ARHGAP31: variants seen among roughly 807,000 people sequenced by gnomAD.
ARHGAP31 encodes rho GTPase-activating protein 31.
ARHGAP31 carries 34 observed loss-of-function variants against 113.9 expected under a neutral mutation model. The ratio of observed to expected loss-of-function variants is 0.30; its 90% CI spans 0.23 to 0.40. The LOEUF (loss-of-function observed/expected upper bound fraction) is 0.40, where lower values mean the gene tolerates loss of function less well. Among genes scored for constraint, ARHGAP31 ranks in the 10% least tolerant of loss-of-function variants. The pLI is 1.00. For missense variants in ARHGAP31, 1,548 were observed against 1,767.1 expected (o/e 0.88, Z 2.22); for synonymous variants, 650 against 684.8 (o/e 0.95, Z 0.79).
chr3:119,418,672 G>C lies in ARHGAP31; in HGVS notation c.*2408G>C, dbSNP rs2080799197. 6.6e-6 allele frequency: 1 copy of C among 152,228 alleles called. No individual in the cohort carries two copies. Among genetic ancestry groups the C allele is most frequent in the East Asian group, 1.9e-4 (1 of 5,202 alleles). 9.4% of individuals were successfully genotyped at this position (152,228 alleles called of 1,614,324 possible). On this transcript the variant is annotated 3_prime_UTR_variant, in exon 12 of 12. Transcript: ENST00000264245. ...TTCAGTTCTAAGGGTTGAGATGCCT[G>C]TGTGGATTTATAAAATGGTTGCAAG...
chr3:119,416,300 G>T lies in ARHGAP31; in HGVS notation c.*36G>T. 1 of 1,609,118 alleles carries T rather than the reference G, an allele frequency of 6.2e-7. No homozygotes were observed. Among genetic ancestry groups the T allele is most frequent in the South Asian group, 1.1e-5 (1 of 90,862 alleles). On this transcript the variant is annotated 3_prime_UTR_variant, in exon 12 of 12. Transcript: ENST00000264245. ...CCTGCTGGTGTCTGAAAAAAACCGT[G>T]ATTCATCTGGAAGTTATTACAGGGC...
At chr3:119,397,621 C>T (rs6766961) in intron 8 of ARHGAP31, among the ~76,000 whole-genome samples, 2,855 of 152,302 alleles carry the variant, frequency 0.019, 76 homozygotes, top group African/African-American at 0.064. Flanking sequence ...GGTGGCTGGG[C>T]GTCCCACAGT....
At chr3:119,337,769 C>T (rs555460794) in intron 1 of ARHGAP31, among the ~76,000 whole-genome samples, 1 of 152,186 alleles carries the variant, frequency 6.6e-6, no homozygotes, top group African/African-American at 2.4e-5. Context: ...CTCCAAGTGC[C>T]CTACCGGATT....
chr3:119,372,586 T>C (rs2080307751), intron 3 of ARHGAP31, among the ~76,000 whole-genome samples: 1 of 152,064 alleles, frequency 6.6e-6, no homozygotes, highest in Admixed American at 6.6e-5. Flanking sequence ...CCCGGCCTAT[T>C]TTTGACTTTT....
intron 3 of ARHGAP31, among the ~76,000 whole-genome samples, chr3:119,376,645 A>G (rs972809185): frequency 9.3e-5 from 14 of 150,558 alleles, no homozygotes; most frequent in Non-Finnish European, 1.9e-4. Context: ...CCTCCTAGAA[A>G]CCTCTGATTA....
rs552611924 is a variant in ARHGAP31 at position 119,330,087 on chromosome 3, A to T, written c.100+35083A>T. The stretch of plus-strand genomic sequence containing the variant: ...TTCAATCGTCTGATTGTTTGAACTG[A>T]TCTAATCACCCCAATTAGTGTTGTG... On this transcript the variant is annotated intron_variant, in intron 1 of 11. Coordinates refer to ENST00000264245, the MANE Select transcript of ARHGAP31 (RefSeq NM_020754.4). The T allele has an allele frequency of 6.9e-6, 6 of 867,784 alleles. No homozygotes were observed. The East Asian group carries it at 6.1e-4, about 88-fold the overall frequency. 53.8% of individuals were successfully genotyped at this position (867,784 alleles called of 1,614,324 possible).
chr3:119,361,491 C>G (rs1010421445), intron 1 of ARHGAP31, among the ~76,000 whole-genome samples: 5 of 151,696 alleles, frequency 3.3e-5, no homozygotes, highest in African/African-American at 1.2e-4. Context: ...AAGTGATTCT[C>G]CTGCCTCAGG....
intron 1 of ARHGAP31, among the ~76,000 whole-genome samples, chr3:119,340,530 T>A (rs1457994423): frequency 6.6e-6 from 1 of 152,212 alleles, no homozygotes; most frequent in Non-Finnish European, 1.5e-5. Context: ...TTTGACCTTA[T>A]GTGGGGCAGA....
chr3:119,351,788 CG>C (rs2080113152), intron 1 of ARHGAP31, among the ~76,000 whole-genome samples: 1 of 152,200 alleles, frequency 6.6e-6, no homozygotes, highest in African/African-American at 2.4e-5. Flanking sequence ...CAGGCACATG[CG>C]GCCGTTCTCT....
intron 3 of ARHGAP31, 42 bp from the exon 4 acceptor site, chr3:119,380,862 C>T (rs778255527): frequency 8.3e-6 from 13 of 1,565,718 alleles, no homozygotes; most frequent in Non-Finnish European, 1.1e-5. Context: ...GCTGTCCCTG[C>T]TCTCAAGCAC....
intron 1 of ARHGAP31, among the ~76,000 whole-genome samples, chr3:119,354,671 C>T (rs890882188): frequency 1.0e-4 from 15 of 146,930 alleles, no homozygotes; most frequent in South Asian, 8.7e-4. Flanking sequence ...GCCACCATGC[C>T]GGGCTAATTT....
chr3:119,401,795 G>A, intron 9 of ARHGAP31, 27 bp from the exon 10 acceptor site: 1 of 1,610,430 alleles, frequency 6.2e-7, no homozygotes, highest in Non-Finnish European at 8.5e-7. Context: ...CCCGGCTGCT[G>A]ACCATACACT....
chr3:119,388,308 TTATA>T (rs58420826), intron 6 of ARHGAP31, among the ~76,000 whole-genome samples: 1 of 133,734 alleles, frequency 7.5e-6, no homozygotes, highest in Non-Finnish European at 1.6e-5. Context: ...TGTATAATTT[TTATA>T]TATATATATA....
chr3:119,400,502 C>G (rs1344126501), intron 9 of ARHGAP31, among the ~76,000 whole-genome samples: 2 of 152,126 alleles, frequency 1.3e-5, no homozygotes, highest in Non-Finnish European at 2.9e-5. Flanking sequence ...TCAGTGAGAT[C>G]TTCTTAAGTT....
Position 119,399,245 on chromosome 3 carries a change from T to C in ARHGAP31, c.1053T>C (p.Cys351=), listed in dbSNP as rs2080578694. ...CAGCTAAAAGCATGGACTCACTATGTTCAGTGCCTGTGGAAGGTAAGATTT... is the reference window on the plus strand; with the variant it reads ...CAGCTAAAAGCATGGACTCACTATGCTCAGTGCCTGTGGAAGGTAAGATTT... ...IRPAKSMDSL[C]SVPVEGKETK... Residue 351 remains cysteine (C), a synonymous_variant, in exon 9 of 12, where the codon TGT becomes TGC. Transcript: ENST00000264245. 1 of 1,613,514 alleles carries C rather than the reference T, an allele frequency of 6.2e-7. No individual in the cohort carries two copies.
Position 119,388,431 on chromosome 3 carries a change from G to A in ARHGAP31, c.683-2354G>A, listed in dbSNP as rs115846058. Among the ~76,000 whole-genome samples the A allele has an allele frequency of 2.1e-3, 316 of 152,062 alleles. 1 individual carries two copies. The highest frequency in any genetic ancestry group is 7.0e-3 in the African/African-American group (289 of 41,484). On this transcript the variant is annotated intron_variant, in intron 6 of 11. Transcript: ENST00000264245. ...ATCCTTTTAGGTCATGCGAAGAGAC[G>A]GGTTTGTTCTCAGTGCCTTGGGAAA...
At chr3:119,300,504 C>T (rs1208454248) in intron 1 of ARHGAP31, among the ~76,000 whole-genome samples, 2 of 152,082 alleles carry the variant, frequency 1.3e-5, no homozygotes, top group African/African-American at 4.8e-5. Context: ...CTAAAGGTCA[C>T]CCTAAAATTA....
At chr3:119,295,863 A>G (rs2079530266) in intron 1 of ARHGAP31, among the ~76,000 whole-genome samples, 1 of 152,232 alleles carries the variant, frequency 6.6e-6, no homozygotes, top group South Asian at 2.1e-4. Flanking sequence ...GTTTGAGCTT[A>G]GAAGTGTTTA....
chr3:119,335,540 C>T (rs1277106340), intron 1 of ARHGAP31, among the ~76,000 whole-genome samples: 2 of 152,028 alleles, frequency 1.3e-5, no homozygotes, highest in African/African-American at 2.4e-5. Context: ...AAACCAGTGG[C>T]GCTGTGAGAA....
Sources: allele counts gnomAD v4.1 joint callset (sites outside exome capture counted in the v4.1 genomes callset), GRCh38; gene constraint gnomAD v4.1.1; transcripts MANE v1.5; gene names NCBI Gene and HGNC (gene_info 2026-07-23, HGNC 2026-07-21).